Variants in AGBL4 observed in about 807,000 individuals in gnomAD.
The protein encoded by AGBL4 is AGBL carboxypeptidase 4, also known as cytosolic carboxypeptidase 6.
Under a neutral mutation model 66.4 loss-of-function variants are expected in AGBL4, and 58 were observed. The ratio of observed to expected loss-of-function variants is 0.87; its 90% confidence interval spans 0.71 to 1.09. The LOEUF (loss-of-function observed/expected upper bound fraction) is 1.09. Among genes scored for constraint, AGBL4 ranks in the 50% least tolerant of loss-of-function variants. The pLI, the probability that AGBL4 is intolerant of heterozygous loss-of-function variation, is 0.00. For synonymous variants in AGBL4, 234 were observed against 222.9 expected, an observed-to-expected ratio of 1.05 and a Z score of -0.44; for missense variants, 579 against 631.0, an observed-to-expected ratio of 0.92 and a Z score of 0.88.
At chr1:49,964,671 A>G (rs1657406926) in intron 1 of AGBL4, among the ~76,000 whole-genome samples, 1 of 152,304 alleles carries the variant, frequency 6.6e-6, no homozygotes, top group Non-Finnish European at 1.5e-5. Flanking sequence ...ATAATTATCT[A>G]TTAGATTTTA....
intron 1 of AGBL4, among the ~76,000 whole-genome samples, chr1:49,888,308 T>C (rs1354852537): frequency 6.6e-6 from 1 of 152,162 alleles, no homozygotes; most frequent in Non-Finnish European, 1.5e-5. Flanking sequence ...GTTCTGAACA[T>C]GTAGAATAAG....
chr1:48,555,873 C>A (rs147653066), intron 11 of AGBL4, among the ~76,000 whole-genome samples: 2 of 152,096 alleles, frequency 1.3e-5, no homozygotes, highest in Admixed American at 6.5e-5. Context: ...GGTGACTGGA[C>A]TAGGAAAAGC....
At chr1:48,928,258 C>A (rs920615000) in intron 5 of AGBL4, among the ~76,000 whole-genome samples, 1 of 152,118 alleles carries the variant, frequency 6.6e-6, no homozygotes, top group Non-Finnish European at 1.5e-5. Flanking sequence ...AAAGCTTAAT[C>A]AACATTAGGA....
intron 1 of AGBL4, among the ~76,000 whole-genome samples, chr1:49,869,635 C>T (rs1340327123): frequency 6.6e-6 from 1 of 152,120 alleles, no homozygotes; most frequent in Non-Finnish European, 1.5e-5. Flanking sequence ...AGATAAATAG[C>T]TAATGCATGC....
intron 3 of AGBL4, among the ~76,000 whole-genome samples, chr1:49,575,404 A>G (rs1247233808): frequency 6.6e-6 from 1 of 152,168 alleles, no homozygotes; most frequent in Non-Finnish European, 1.5e-5. Flanking sequence ...GGTAAGGACT[A>G]TTATGGTGGG....
intron 3 of AGBL4, among the ~76,000 whole-genome samples, chr1:49,437,937 C>A (rs1216670690): frequency 6.6e-6 from 1 of 152,086 alleles, no homozygotes; most frequent in African/African-American, 2.4e-5. Context: ...TCCCCCATTT[C>A]TAAGAATGTT....
rs556943139 is a variant in AGBL4 at position 49,406,099 on chromosome 1, G to C, written c.283-160235C>G. ...AAAACGGGTCAGTGCAACTTTCCAA[G>C]AGGGAACTGTCTCACAGAAAGCATC... is the stretch of plus-strand genomic sequence containing the variant. On this transcript the variant is annotated intron_variant, in intron 3 of 13. Transcript: ENST00000371839. 2.6e-5 allele frequency among the ~76,000 whole-genome samples: 4 copies of C among 152,300 alleles called. No individual in the cohort carries two copies. The East Asian group carries it at 7.7e-4, about 29-fold the overall frequency.
intron 6 of AGBL4, among the ~76,000 whole-genome samples, chr1:48,754,751 G>C (rs6692617): frequency 0.014 from 2,193 of 152,236 alleles, 47 homozygotes; most frequent in African/African-American, 0.05. Context: ...CACAGACAAG[G>C]AAAGTTCTGT....
At chr1:48,915,329 G>A (rs1309834785) in intron 5 of AGBL4, among the ~76,000 whole-genome samples, 1 of 152,106 alleles carries the variant, frequency 6.6e-6, no homozygotes, top group African/African-American at 2.4e-5. Flanking sequence ...ATCCTTCAAG[G>A]CCAGCTCAAA....
intron 4 of AGBL4, among the ~76,000 whole-genome samples, chr1:49,051,080 C>G (rs1644201251): frequency 1.3e-5 from 2 of 152,068 alleles, no homozygotes; most frequent in Admixed American, 1.3e-4. Flanking sequence ...CCTTGAAAGA[C>G]AGGAGCCCTA....
At chr1:48,658,976 G>A (rs1290865086) in intron 7 of AGBL4, among the ~76,000 whole-genome samples, 1 of 152,132 alleles carries the variant, frequency 6.6e-6, no homozygotes, top group Admixed American at 6.5e-5. Flanking sequence ...GCCCTGATGG[G>A]CACCTTGGCA....
intron 2 of AGBL4, among the ~76,000 whole-genome samples, chr1:49,791,320 A>G (rs1644593435): frequency 6.6e-6 from 1 of 152,132 alleles, no homozygotes; most frequent in Admixed American, 6.5e-5. Flanking sequence ...CCATGTCTAC[A>G]TGGATATATG....
chr1:49,552,168 C>T (rs755008767), intron 3 of AGBL4, among the ~76,000 whole-genome samples: 7 of 152,144 alleles, frequency 4.6e-5, no homozygotes, highest in Non-Finnish European at 8.8e-5. Context: ...TCACAACAGC[C>T]TTGAGTCTGT....
At chr1:48,763,614 C>T (rs1375695052) in intron 6 of AGBL4, among the ~76,000 whole-genome samples, 1 of 152,118 alleles carries the variant, frequency 6.6e-6, no homozygotes, top group East Asian at 1.9e-4. Context: ...AGGGCAAAGT[C>T]TGACATGCAG....
At chr1:48,779,023 A>G (rs1288900269) in intron 6 of AGBL4, among the ~76,000 whole-genome samples, 2 of 152,206 alleles carry the variant, frequency 1.3e-5, no homozygotes, top group African/African-American at 4.8e-5. Context: ...TACTGTCATG[A>G]TTATGATTTC....
At chr1:49,840,564 A>G (rs1645965790) in intron 2 of AGBL4, among the ~76,000 whole-genome samples, 2 of 152,142 alleles carry the variant, frequency 1.3e-5, no homozygotes, top group Non-Finnish European at 2.9e-5. Flanking sequence ...CAGACATGAC[A>G]AAGAAAGGAA....
chr1:48,921,686 C>T (rs1654092392), intron 5 of AGBL4, among the ~76,000 whole-genome samples: 1 of 152,114 alleles, frequency 6.6e-6, no homozygotes, highest in Admixed American at 6.6e-5. Flanking sequence ...AATATTTAGT[C>T]CCTTAATCTC....
intron 1 of AGBL4, chr1:50,017,337 A>T (rs1272051553): frequency 6.6e-6 from 1 of 152,100 alleles, no homozygotes; most frequent in African/African-American, 2.4e-5. Flanking sequence ...TATCTGGCAT[A>T]CTTCTCCTTA....
intron 3 of AGBL4, among the ~76,000 whole-genome samples, chr1:49,661,709 G>A (rs1454265859): frequency 6.6e-6 from 1 of 152,092 alleles, no homozygotes; most frequent in African/African-American, 2.4e-5. Context: ...TCAAGTGTTG[G>A]CCAGCCGTTG....
Sources: allele counts gnomAD v4.1 joint callset (sites outside exome capture counted in the v4.1 genomes callset), GRCh38; gene constraint gnomAD v4.1.1; transcripts MANE v1.5; gene names NCBI Gene and HGNC (gene_info 2026-07-23, HGNC 2026-07-21).